Variants in SCN9A observed in about 807,000 individuals in gnomAD.
The protein encoded by SCN9A is sodium channel protein type 9 subunit alpha.
A neutral mutation model predicts 187.0 loss-of-function variants in SCN9A; 131 were observed. The observed-to-expected ratio is 0.70, with a 90% CI of 0.61 to 0.81. The LOEUF is 0.81. Ranked by LOEUF, SCN9A falls within the 30% of genes least tolerant of loss-of-function variation. The pLI, the probability that SCN9A is intolerant of heterozygous loss-of-function variation, is 0.00. For missense variants in SCN9A, 2,252 were observed against 2,396.6 expected, an observed-to-expected ratio of 0.94 and a Z score of 1.26; for synonymous variants, 809 against 808.6, an observed-to-expected ratio of 1.00 and a Z score of -0.01.
chr2:166,328,835 C>T (rs1699428786), intron 1 of SCN9A, among the ~76,000 whole-genome samples: 2 of 151,832 alleles, frequency 1.3e-5, no homozygotes, highest in Non-Finnish European at 2.9e-5. Flanking sequence ...TTCTTGAATC[C>T]CTTACCATTA....
intron 9 of SCN9A, among the ~76,000 whole-genome samples, chr2:166,290,668 G>A (rs1698021750): frequency 6.6e-6 from 1 of 152,046 alleles, no homozygotes; most frequent in Admixed American, 6.6e-5. Flanking sequence ...AATGATCACT[G>A]ATGTTGAGCT....
At chr2:166,309,385 T>A (rs1698867628) in intron 2 of SCN9A, among the ~76,000 whole-genome samples, 1 of 152,144 alleles carries the variant, frequency 6.6e-6, no homozygotes, top group South Asian at 2.1e-4. Context: ...CAGGAAAAAA[T>A]AGGTATGATT....
intron 24 of SCN9A, among the ~76,000 whole-genome samples, chr2:166,222,650 A>AAAAACT (rs1558960464): frequency 7.2e-6 from 1 of 138,948 alleles, no homozygotes; most frequent in African/African-American, 2.7e-5. Flanking sequence ...AACAGCAACA[A>AAAAACT]GGCCGGGCGT....
At position 166,272,505 on chromosome 2, in the gene SCN9A, T is replaced by C. The variant is rs756809240; in HGVS notation, c.3245A>G (p.Asn1082Ser). ...TGGCACTGTCACTGTGAGGCTGGGA[T>C]TGTGAATAAATGATTGACCATCACT... Reference protein sequence around the residue: ...EDSDGQSFIHNPSLTVTVPIA... With the variant: ...EDSDGQSFIHSPSLTVTVPIA... Residue 1082 changes from asparagine (N) to serine (S), a missense_variant, in exon 17 of 27, where the codon AAT becomes AGT. By Grantham distance (46) the Asn-to-Ser change is conservative. Coordinates refer to ENST00000642356, the MANE Select transcript of SCN9A (RefSeq NM_001365536.1). 4 of 1,613,226 alleles carry C rather than the reference T, an allele frequency of 2.5e-6. No individual in the cohort carries two copies. In the South Asian group the frequency reaches 4.4e-5, roughly 18 times the overall value.
Position 166,196,502 on chromosome 2 carries a change from A to G in SCN9A, c.*2170T>C, listed in dbSNP as rs1366444056. The G allele has an allele frequency of 2.0e-5, 3 of 152,188 alleles. No individual in the cohort carries two copies. Among genetic ancestry groups the G allele is most frequent in the Non-Finnish European group, 4.4e-5 (3 of 68,008 alleles). 9.4% of individuals were successfully genotyped at this position (152,188 alleles called of 1,614,324 possible). ...AAAACAAGGCAATGTAAAAACATTA[A>G]TAGAAAATTACACACGAACCTGTCA... is the stretch of plus-strand genomic sequence containing the variant. On this transcript the variant is annotated 3_prime_UTR_variant, in exon 27 of 27. Transcript: ENST00000642356.
intron 7 of SCN9A, among the ~76,000 whole-genome samples, chr2:166,295,026 C>T (rs1009462048): frequency 1.3e-5 from 2 of 152,062 alleles, no homozygotes; most frequent in East Asian, 1.9e-4. Flanking sequence ...ATTAAGGCAA[C>T]GTGGTAGGCT....
At chr2:166,220,480 GTATCATAACAT>G (rs1694535197) in intron 24 of SCN9A, among the ~76,000 whole-genome samples, 1 of 214 alleles carries the variant, frequency 4.7e-3, no homozygotes, top group South Asian at 0.1. Context: ...TGTGCCATGT[GTATCATAACAT>G]GATACCTTAC....
intron 1 of SCN9A, among the ~76,000 whole-genome samples, chr2:166,345,771 C>G (rs1479852260): frequency 6.6e-6 from 1 of 152,130 alleles, no homozygotes; most frequent in African/African-American, 2.4e-5. Flanking sequence ...TCCGCTACTA[C>G]TACCTCCTCC....
intron 2 of SCN9A, among the ~76,000 whole-genome samples, chr2:166,309,317 T>G (rs6719276): frequency 0.64 from 96,799 of 152,054 alleles, 31,466 homozygotes; most frequent in African/African-American, 0.75. Flanking sequence ...ATTTTCATTC[T>G]CATTAAAAAC....
intron 1 of SCN9A, among the ~76,000 whole-genome samples, chr2:166,367,960 C>A (rs1468595422): frequency 1.3e-5 from 2 of 152,098 alleles, no homozygotes; most frequent in African/African-American, 4.8e-5. Context: ...TGTTTGATTG[C>A]AAATGTAATT....
chr2:166,206,284 A>G (rs1271070805), intron 24 of SCN9A, among the ~76,000 whole-genome samples: 1 of 152,170 alleles, frequency 6.6e-6, no homozygotes, highest in Non-Finnish European at 1.5e-5. Flanking sequence ...TCAATAATAG[A>G]CTGGATAAAG....
chr2:166,243,562 T>A (rs555358583), intron 18 of SCN9A, among the ~76,000 whole-genome samples: 13 of 151,930 alleles, frequency 8.6e-5, no homozygotes, highest in Admixed American at 1.3e-4. Context: ...TGAATCAAAA[T>A]ATCAGTAAAA....
chr2:166,337,050 G>C (rs750005785), intron 1 of SCN9A, among the ~76,000 whole-genome samples: 8 of 152,098 alleles, frequency 5.3e-5, no homozygotes, highest in Non-Finnish European at 1.2e-4. Flanking sequence ...AGTCTAGAGG[G>C]TAAATTTACA....
chr2:166,329,917 T>C (rs891250129), intron 1 of SCN9A, among the ~76,000 whole-genome samples: 2 of 152,106 alleles, frequency 1.3e-5, no homozygotes, highest in African/African-American at 4.8e-5. Flanking sequence ...TTTGGCTTTG[T>C]CATCAAGTCT....
intron 1 of SCN9A, among the ~76,000 whole-genome samples, chr2:166,348,511 A>G (rs1357559497): frequency 6.6e-6 from 1 of 152,180 alleles, no homozygotes; most frequent in East Asian, 1.9e-4. Context: ...TATCTGTACT[A>G]TCACAATGGT....
chr2:166,357,482 G>C (rs1244081121), intron 1 of SCN9A, among the ~76,000 whole-genome samples: 3 of 152,092 alleles, frequency 2.0e-5, no homozygotes, highest in African/African-American at 7.2e-5. Context: ...AGGACTTCAA[G>C]AAGACCTCAG....
chr2:166,334,189 C>G (rs901117228), intron 1 of SCN9A, among the ~76,000 whole-genome samples: 6 of 152,008 alleles, frequency 3.9e-5, no homozygotes, highest in African/African-American at 1.4e-4. Context: ...TTAAAGAGAG[C>G]CAGTGAATTT....
chr2:166,365,309 C>A (rs551090369), intron 1 of SCN9A, among the ~76,000 whole-genome samples: 3 of 152,136 alleles, frequency 2.0e-5, no homozygotes, highest in East Asian at 1.9e-4. Context: ...ACATTTACAT[C>A]TAAATCACAA....
In SCN9A at chr2:166,266,589, T is replaced by C. The variant is rs528135535; in HGVS notation, c.3351+5810A>G. Among the ~76,000 whole-genome samples, 1,335 of 151,628 alleles carry C rather than the reference T, an allele frequency of 8.8e-3. 18 individuals are homozygous for C. Among genetic ancestry groups the C allele is most frequent in the African/African-American group, 0.03 (1,261 of 41,380 alleles). On this transcript the variant is annotated intron_variant, in intron 17 of 26. Coordinates refer to ENST00000642356, the MANE Select transcript of SCN9A (RefSeq NM_001365536.1). ...AAATGTTAGGACTTTTTTTTTTTTT[T>C]TCTGTAAAGAATGTCACTGGTATTT... is the stretch of plus-strand genomic sequence containing the variant.
Sources: gnomAD v4.1 joint callset for allele counts (sites outside exome capture counted in the v4.1 genomes callset) on GRCh38, gnomAD v4.1.1 for gene constraint, MANE v1.5 for transcripts, NCBI Gene and HGNC (gene_info 2026-07-23, HGNC 2026-07-21) for gene names.